PTBP3: variants seen among roughly 807,000 people sequenced by gnomAD.
PTBP3 encodes the protein polypyrimidine tract binding protein 3.
A neutral mutation model predicts 58.7 loss-of-function variants in PTBP3; 20 were observed. The observed-to-expected ratio is 0.34, with a 90% CI of 0.24 to 0.50. The LOEUF (loss-of-function observed/expected upper bound fraction) is 0.50. Ranked by LOEUF, PTBP3 falls within the 20% of genes least tolerant of loss-of-function variation. PTBP3 has a pLI of 0.98. For missense variants in PTBP3, 509 were observed against 637.2 expected (o/e 0.80, Z 2.17); for synonymous variants, 185 against 219.8 (o/e 0.84, Z 1.40).
chr9:112,348,602 C>T, the PTBP3 span, among the ~76,000 whole-genome samples: 1 of 152,212 alleles, frequency 6.6e-6, no homozygotes, highest in Non-Finnish European at 1.5e-5. Context: ...GAGGCAACCG[C>T]CCGGAAGCAT....
chr9:112,325,581 T>C (rs1020227809), intron 1 of PTBP3, among the ~76,000 whole-genome samples: 2 of 134,202 alleles, frequency 1.5e-5, no homozygotes, highest in Admixed American at 8.4e-5. Context: ...ATTCACATAG[T>C]GGAATTCTCA....
chr9:112,320,291 A>AAAATATATAG (rs1411646280), intron 1 of PTBP3, among the ~76,000 whole-genome samples: 1 of 73,568 alleles, frequency 1.4e-5, no homozygotes, highest in African/African-American at 9.0e-5. Flanking sequence ...AAAAAAAAAA[A>AAAATATATAG]ATATATATAT....
At chr9:112,303,017 A>T (rs1281736701) in intron 1 of PTBP3, among the ~76,000 whole-genome samples, 2 of 152,166 alleles carry the variant, frequency 1.3e-5, no homozygotes, top group Non-Finnish European at 2.9e-5. Flanking sequence ...TACCAAATAA[A>T]TTTCCAATCA....
intron 1 of PTBP3, among the ~76,000 whole-genome samples, chr9:112,329,470 C>A (rs542105845): frequency 1.3e-5 from 2 of 152,148 alleles, no homozygotes; most frequent in African/African-American, 4.8e-5. Context: ...TGATTTATAA[C>A]CTAGAAGAAT....
the PTBP3 span, among the ~76,000 whole-genome samples, chr9:112,348,887 A>C: frequency 3.3e-5 from 5 of 152,150 alleles, no homozygotes; most frequent in African/African-American, 9.7e-5. Context: ...CAGGGCAGCA[A>C]ACTCCACTCA....
intron 1 of PTBP3, chr9:112,298,594 A>G: frequency 2.0e-6 from 1 of 507,588 alleles, no homozygotes; most frequent in Non-Finnish European, 3.9e-6. Flanking sequence ...GTACAAAGTT[A>G]AAACCAACCT....
intron 1 of PTBP3, among the ~76,000 whole-genome samples, chr9:112,309,300 C>G (rs1462469838): frequency 6.6e-6 from 1 of 151,944 alleles, no homozygotes; most frequent in Non-Finnish European, 1.5e-5. Context: ...CTTCCCAGGA[C>G]AGAAAACTCA....
chr9:112,226,187 C>CT (rs538878316), intron 12 of PTBP3, among the ~76,000 whole-genome samples: 180 of 146,014 alleles, frequency 1.2e-3, no homozygotes, highest in Middle Eastern at 3.6e-3. Flanking sequence ...TTTTAATCTA[C>CT]TTTTTTTTTT....
intron 1 of PTBP3, among the ~76,000 whole-genome samples, chr9:112,313,087 T>C (rs2418202): frequency 0.84 from 127,880 of 152,142 alleles, 54,039 homozygotes; most frequent in African/African-American, 0.92. Context: ...ATATGTGGTA[T>C]GTACACACTA....
At chr9:112,257,950 A>T (rs1239670207) in intron 5 of PTBP3, among the ~76,000 whole-genome samples, 3 of 33,214 alleles carry the variant, frequency 9.0e-5, no homozygotes, top group Admixed American at 2.6e-4. Flanking sequence ...CAAAAAAAAA[A>T]AAAAAAAAAA....
chr9:112,333,321 C>T, intron 1 of PTBP3, 149 bp downstream of exon 1: 1 of 1,043,748 alleles, frequency 9.6e-7, no homozygotes, highest in Non-Finnish European at 1.3e-6. Flanking sequence ...CCGAGACGCC[C>T]GGAAGCCCCG....
chr9:112,357,634 C>A, the PTBP3 span, among the ~76,000 whole-genome samples: 3 of 152,170 alleles, frequency 2.0e-5, no homozygotes, highest in Admixed American at 2.0e-4. Context: ...CAGGTGTGAA[C>A]CACTGCACCC....
the PTBP3 span, among the ~76,000 whole-genome samples, chr9:112,340,374 T>C: frequency 2.6e-5 from 4 of 152,224 alleles, no homozygotes; most frequent in Non-Finnish European, 4.4e-5. Flanking sequence ...TATTTTTCTT[T>C]AATGTCTTGT....
chr9:112,244,075 G>T (rs1481094449), intron 7 of PTBP3, among the ~76,000 whole-genome samples: 2 of 151,812 alleles, frequency 1.3e-5, no homozygotes, highest in Non-Finnish European at 2.9e-5. Context: ...GCCGAGACAG[G>T]TGGATCACGA....
chr9:112,256,753 C>T (rs1192455203), intron 5 of PTBP3, among the ~76,000 whole-genome samples: 2 of 152,012 alleles, frequency 1.3e-5, no homozygotes. Context: ...AAACTCCTGA[C>T]CTCACACGAT....
intron 1 of PTBP3, among the ~76,000 whole-genome samples, chr9:112,301,858 G>T (rs1366004440): frequency 6.6e-6 from 1 of 152,118 alleles, no homozygotes; most frequent in African/African-American, 2.4e-5. Flanking sequence ...TTTATAACTT[G>T]CCATGCATCT....
At chr9:112,238,685 C>A (rs1191809327) in intron 7 of PTBP3, among the ~76,000 whole-genome samples, 1 of 139,734 alleles carries the variant, frequency 7.2e-6, no homozygotes, top group Non-Finnish European at 1.6e-5. Context: ...CCAGAAAAAA[C>A]AGAGCAGCAG....
intron 2 of PTBP3, among the ~76,000 whole-genome samples, chr9:112,282,246 T>TA (rs1171626989): frequency 3.3e-5 from 5 of 152,236 alleles, no homozygotes; most frequent in Admixed American, 2.0e-4. Flanking sequence ...TCATTCTTGA[T>TA]ACTGGCAATT....
At chr9:112,312,695 AAAT>A (rs1035892653) in intron 1 of PTBP3, among the ~76,000 whole-genome samples, 2 of 151,896 alleles carry the variant, frequency 1.3e-5, no homozygotes, top group East Asian at 1.9e-4. Flanking sequence ...AAATTTTAAA[AAAT>A]AATAATAAAT....
Sources: allele counts gnomAD v4.1 joint callset (sites outside exome capture counted in the v4.1 genomes callset), GRCh38; gene constraint gnomAD v4.1.1; transcripts MANE v1.5; gene names NCBI Gene and HGNC (gene_info 2026-07-23, HGNC 2026-07-21).